The following ZNF347 variants were observed in gnomAD, a reference collection of about 807,000 sequenced individuals.
ZNF347 encodes the protein zinc finger protein 347, also known as CTD-2620I22.7.
A neutral mutation model predicts 12.9 loss-of-function variants in ZNF347; 19 were observed. That is an observed-to-expected ratio of 1.47 (90% CI 1.03 to 2.16). The LOEUF is 2.16. ZNF347 is among the 30% of genes most tolerant of loss of function. The probability of loss-of-function intolerance (pLI) is 0.00; values close to 1 mark genes in which losing one functional copy is unlikely to be tolerated. For missense variants in ZNF347, 1,005 were observed against 990.6 expected (o/e 1.01, Z -0.19); for synonymous variants, 328 against 340.6 (o/e 0.96, Z 0.41).
At chr19:53,157,146 T>C (rs2090541013) in intron 1 of ZNF347, among the ~76,000 whole-genome samples, 5 of 152,186 alleles carry the variant, frequency 3.3e-5, no homozygotes, top group South Asian at 2.1e-4. Context: ...TGATTGCAAA[T>C]GAAGCTATAC....
At chr19:53,144,997 T>C (rs1199467028) in intron 4 of ZNF347, among the ~76,000 whole-genome samples, 2 of 151,892 alleles carry the variant, frequency 1.3e-5, no homozygotes, top group Non-Finnish European at 2.9e-5. Context: ...CCTCAGAAGA[T>C]ACACAAACAT....
chr19:53,144,826 G>C (rs1212070300), intron 4 of ZNF347, among the ~76,000 whole-genome samples: 1 of 152,042 alleles, frequency 6.6e-6, no homozygotes, highest in African/African-American at 2.4e-5. Flanking sequence ...TTATCCAGCT[G>C]TTGCAAAATA....
rs1408198618 is a variant in ZNF347, at chr19:53,141,725, G to T, written c.1103C>A (p.Thr368Asn). The change falls in exon 5 of 5, where the codon ACT (threonine) becomes AAT (asparagine). Residue 368 changes from threonine to asparagine, a missense_variant. Physicochemically the swap from Thr to Asn is moderately conservative, Grantham distance 65 (BLOSUM62 0). Transcript: ENST00000334197. ...SHLVRHRGIH[T>N]GEKPYKCNEC... is the part of the protein sequence containing the mutation. ...ATTACACTTGTAAGGTTTCTCTCCA[G>T]TATGAATTCCTCGATGTCTTACAAG... 6.2e-7 allele frequency: 1 copy of T among 1,613,956 alleles called. No homozygotes were observed. The highest frequency in any genetic ancestry group is 2.2e-5 in the East Asian group (1 of 44,866).
intron 2 of ZNF347, among the ~76,000 whole-genome samples, chr19:53,153,088 G>A (rs2090509369): frequency 6.6e-6 from 1 of 152,148 alleles, no homozygotes; most frequent in African/African-American, 2.4e-5. Context: ...AGTCTCCATT[G>A]TATGGGTTTT....
In ZNF347 at chr19:53,141,074, G is replaced by C. The variant is rs1326879506; in HGVS notation, c.1754C>G (p.Ala585Gly). 6.2e-7 allele frequency: 1 copy of C among 1,613,572 alleles called. No individual in the cohort carries two copies. Among genetic ancestry groups the C allele is most frequent in the Non-Finnish European group, 8.5e-7 (1 of 1,179,934 alleles). The change falls in exon 5 of 5, where the codon GCA (alanine) becomes GGA (glycine). Residue 585 changes from alanine (A) to glycine (G), a missense_variant. Transcript: ENST00000334197. ...GKVFTQNSHL[A>G]RHRGIHTGEK... ...TCCAGTATGAATTCCCCGATGTCTT[G>C]CAAGGTGTGAATTCTGAGTGAAGAC... is the stretch of plus-strand genomic sequence containing the variant.
Position 53,137,214 on chromosome 19 carries a change from A to G in ZNF347, c.*3094T>C, listed in dbSNP as rs549192659. 2 of 152,202 alleles carry G rather than the reference A, an allele frequency of 1.3e-5. No homozygotes were observed. Among genetic ancestry groups the G allele is most frequent in the East Asian group, 1.9e-4 (1 of 5,174 alleles). 9.4% of individuals were successfully genotyped at this position (152,202 alleles called of 1,614,324 possible). ...GCCTGGCCAGAAATCAGAAGTTGCA[A>G]GAGTAAATATTCAGTGTTGTACTAC... On this transcript the variant is annotated 3_prime_UTR_variant, in exon 5 of 5. Coordinates refer to ENST00000334197, the MANE Select transcript of ZNF347 (RefSeq NM_032584.3).
intron 4 of ZNF347, among the ~76,000 whole-genome samples, chr19:53,148,037 C>T (rs1222343249): frequency 6.6e-6 from 1 of 152,096 alleles, no homozygotes; most frequent in Non-Finnish European, 1.5e-5. Flanking sequence ...CCATATATGA[C>T]AAATCCAGCA....
chr19:53,153,764 T>TTTCCTC lies in ZNF347; in HGVS notation c.-23_-18dup, dbSNP rs1349083133. 6.2e-7 allele frequency: 1 copy of TTTCCTC among 1,614,158 alleles called. No individual in the cohort carries two copies. The highest frequency in any genetic ancestry group is 8.5e-7 in the Non-Finnish European group (1 of 1,179,986). Reference sequence around the variant, plus strand: ...GAGAGCCATGCCTGACTTGTCTTTCTTTCCTCTTCCTCTTCTTCAAGGGTT... The same window carrying TTTCCTC: ...GAGAGCCATGCCTGACTTGTCTTTCTTTCCTCTTCCTCTTCCTCTTCTTCAAGGGTT... On this transcript the variant is annotated 5_prime_UTR_variant, in exon 2 of 5. Coordinates refer to ENST00000334197, the MANE Select transcript of ZNF347 (RefSeq NM_032584.3).
At chr19:53,151,454 C>T (rs2090497208) in intron 2 of ZNF347, among the ~76,000 whole-genome samples, 1 of 147,904 alleles carries the variant, frequency 6.8e-6, no homozygotes, top group Non-Finnish European at 1.5e-5. Flanking sequence ...AGGAGAATGG[C>T]ATGAACCCAG....
chr19:53,155,324 GTGTGTGTGTGTT>G (rs1164450285), intron 1 of ZNF347, among the ~76,000 whole-genome samples: 3 of 144,078 alleles, frequency 2.1e-5, no homozygotes, highest in Non-Finnish European at 4.5e-5. Context: ...GTGTGTGTGT[GTGTGTGTGTGTT>G]TGTTTTTTGT....
intron 3 of ZNF347, 115 bp from the exon 4 acceptor site, chr19:53,148,924 T>G (rs1165845158): frequency 1.5e-6 from 2 of 1,374,262 alleles, no homozygotes; most frequent in African/African-American, 2.9e-5. Context: ...CTTCAAAAAT[T>G]CATCCACTAA....
In ZNF347 at chr19:53,139,176, A is replaced by AC. The variant is rs2090403783; in HGVS notation, c.*1131_*1132insG. 6.6e-6 allele frequency: 1 copy of AC among 152,214 alleles called. No homozygotes were observed. The highest frequency in any genetic ancestry group is 1.5e-5 in the Non-Finnish European group (1 of 68,032). The allele number at this position is 152,214 out of a possible 1,614,324, so 9.4% of individuals were successfully genotyped here. ...GTCTTGGCCTGCTCAATGCAGGTAG[A>AC]GCCTTACTTCCCTAAAACCCATGGT... On this transcript the variant is annotated 3_prime_UTR_variant, in exon 5 of 5. Transcript: ENST00000334197.
intron 4 of ZNF347, among the ~76,000 whole-genome samples, chr19:53,147,391 A>ACAAG (rs2090469894): frequency 6.6e-6 from 1 of 151,224 alleles, no homozygotes; most frequent in Admixed American, 6.6e-5. Context: ...AAACAAACAA[A>ACAAG]CAAACAAAAA....
At position 53,140,367 on chromosome 19, in the gene ZNF347, T is replaced by TA. The variant is rs1305990113; in HGVS notation, c.2460dup (p.Asn821Ter). 9 of 1,599,520 alleles carry TA rather than the reference T, an allele frequency of 5.6e-6. No homozygotes were observed. In the African/African-American group the frequency reaches 1.1e-4, roughly 19 times the overall value. ...TCTGACTTTAGAACTTTCCACACGT[T>TA]ACATTTGTAAGGTTTCCCACCAGTA... On this transcript the variant is annotated frameshift_variant, in exon 5 of 5. Transcript: ENST00000334197. LOFTEE classifies it low-confidence loss of function (END_TRUNC).
chr19:53,141,247 G>A lies in ZNF347; in HGVS notation c.1581C>T (p.His527=). The change falls in exon 5 of 5, where the codon CAC becomes CAT. Residue 527 remains histidine (H), a synonymous_variant. Transcript: ENST00000334197. ...TATGAATTCTTTGATGATTTGCAAG[G>A]TGTGAATTTTGAGTGAAGACCTTGC... ...ECGKVFTQNS[H]LANHQRIHTG... is the part of the protein sequence containing the mutation. 1.9e-6 allele frequency: 3 copies of A among 1,613,836 alleles called. No homozygotes were observed. The highest frequency in any genetic ancestry group is 1.7e-6 in the Non-Finnish European group (2 of 1,179,954).
In ZNF347 at chr19:53,140,557, T is replaced by G. The variant is rs1473490839; in HGVS notation, c.2271A>C (p.Gly757=). 18 of 1,613,890 alleles carry G rather than the reference T, an allele frequency of 1.1e-5. No individual in the cohort carries two copies. The highest frequency in any genetic ancestry group is 1.5e-5 in the Non-Finnish European group (18 of 1,179,924). Residue 757 remains glycine (G), a synonymous_variant, in exon 5 of 5, where the codon GGA becomes GGC. Transcript: ENST00000334197. ...TGTAAGGTTTCTCTCCAGTATGAAT[T>G]CCCCGATGTCTTGCAAGGTGTGAAT... is the stretch of plus-strand genomic sequence containing the variant. The part of the protein sequence containing the change: ...TQNSHLARHR[G]IHTGEKPYKC...
chr19:53,152,831 G>A (rs932957589), intron 2 of ZNF347, among the ~76,000 whole-genome samples: 11 of 152,006 alleles, frequency 7.2e-5, no homozygotes, highest in Non-Finnish European at 1.0e-4. Flanking sequence ...TTGGGAGGCT[G>A]AGGCAGGAGA....
intron 2 of ZNF347, among the ~76,000 whole-genome samples, chr19:53,153,359 A>C (rs927429747): frequency 2.0e-5 from 3 of 152,192 alleles, no homozygotes; most frequent in Non-Finnish European, 4.4e-5. Context: ...TGTGCACATT[A>C]ACACGTGACT....
intron 4 of ZNF347, among the ~76,000 whole-genome samples, chr19:53,144,992 GAAGATACAC>G (rs2090453376): frequency 2.0e-5 from 3 of 151,950 alleles, no homozygotes; most frequent in Admixed American, 1.3e-4. Context: ...AAGAGCCTCA[GAAGATACAC>G]AAACATGGCT....
Sources: gnomAD v4.1 joint callset for allele counts (sites outside exome capture counted in the v4.1 genomes callset) on GRCh38, gnomAD v4.1.1 for gene constraint, MANE v1.5 for transcripts, NCBI Gene and HGNC (gene_info 2026-07-23, HGNC 2026-07-21) for gene names.